Variants in OSBPL8 observed in about 807,000 individuals in gnomAD.
OSBPL8 encodes oxysterol-binding protein-related protein 8.
Under a neutral mutation model 125.5 loss-of-function variants are expected in OSBPL8, and 59 were observed. That is an observed-to-expected ratio of 0.47 (90% confidence interval 0.38 to 0.58). OSBPL8 has a LOEUF of 0.58. Ranked by LOEUF, OSBPL8 falls within the 20% of genes least tolerant of loss-of-function variation. The probability of loss-of-function intolerance (pLI) is 0.00; values close to 1 mark genes in which losing one functional copy is unlikely to be tolerated. For synonymous variants in OSBPL8, 330 were observed against 338.9 expected, an observed-to-expected ratio of 0.97 and a Z score of 0.29; for missense variants, 758 against 1,047.8, an observed-to-expected ratio of 0.72 and a Z score of 3.82.
At chr12:76,473,715 T>A (rs1444437022) in intron 2 of OSBPL8, among the ~76,000 whole-genome samples, 1 of 152,210 alleles carries the variant, frequency 6.6e-6, no homozygotes, top group Non-Finnish European at 1.5e-5. Context: ...AACAATTTCA[T>A]ACTGTGTTAA....
At position 76,487,558 on chromosome 12, in the gene OSBPL8, A is replaced by G; in HGVS notation, c.-7T>C. 6.2e-7 allele frequency: 1 copy of G among 1,602,266 alleles called. No homozygotes were observed. Among genetic ancestry groups the G allele is most frequent in the South Asian group, 1.1e-5 (1 of 89,004 alleles). Reference sequence around the variant, plus strand: ...CTGCCAAACCTCCCTCCATAATGAAAGAAGATAGGTTTATGCTTCTCTTTC... The same window carrying G: ...CTGCCAAACCTCCCTCCATAATGAAGGAAGATAGGTTTATGCTTCTCTTTC... On this transcript the variant is annotated 5_prime_UTR_variant, in exon 2 of 24. Transcript: ENST00000261183.
At chr12:76,494,522 A>G (rs1221281156) in intron 1 of OSBPL8, among the ~76,000 whole-genome samples, 1 of 152,206 alleles carries the variant, frequency 6.6e-6, no homozygotes, top group Admixed American at 6.5e-5. Flanking sequence ...AAGAATGAAG[A>G]AGAGAGCTAT....
intron 4 of OSBPL8, among the ~76,000 whole-genome samples, chr12:76,439,086 T>C (rs908344971): frequency 4.6e-5 from 7 of 152,086 alleles, no homozygotes; most frequent in African/African-American, 1.7e-4. Context: ...AATTATAAGA[T>C]ATAGAGCACA....
At chr12:76,430,145 C>G (rs1870638041) in intron 4 of OSBPL8, among the ~76,000 whole-genome samples, 1 of 152,158 alleles carries the variant, frequency 6.6e-6, no homozygotes, top group Non-Finnish European at 1.5e-5. Flanking sequence ...ATACACCCAA[C>G]CACATTCTTC....
At chr12:76,468,495 T>C (rs1303203007) in intron 2 of OSBPL8, among the ~76,000 whole-genome samples, 2 of 152,224 alleles carry the variant, frequency 1.3e-5, no homozygotes, top group Admixed American at 1.3e-4. Context: ...CTTTCTCCAC[T>C]CAAATGTTAG....
chr12:76,530,229 T>C (rs1441052047), intron 1 of OSBPL8, among the ~76,000 whole-genome samples: 1 of 149,254 alleles, frequency 6.7e-6, no homozygotes, highest in Admixed American at 6.7e-5. Flanking sequence ...GCTTTTTTTT[T>C]TTTTTTTTTT....
At chr12:76,483,824 G>A (rs994788165) in intron 2 of OSBPL8, among the ~76,000 whole-genome samples, 1 of 151,308 alleles carries the variant, frequency 6.6e-6, no homozygotes, top group Non-Finnish European at 1.5e-5. Context: ...ACAGGTGCCC[G>A]CCACGCCACC....
At chr12:76,485,277 A>G (rs572317981) in intron 2 of OSBPL8, among the ~76,000 whole-genome samples, 1 of 152,160 alleles carries the variant, frequency 6.6e-6, no homozygotes, top group East Asian at 2.0e-4. Flanking sequence ...AATTTGGAAT[A>G]GTAAATGACT....
chr12:76,363,475 G>A (rs1952287864), intron 21 of OSBPL8, among the ~76,000 whole-genome samples: 1 of 152,100 alleles, frequency 6.6e-6, no homozygotes. Flanking sequence ...AACTGAAACT[G>A]GTTTCCTTCC....
At chr12:76,398,919 A>G (rs1269701024) in intron 7 of OSBPL8, among the ~76,000 whole-genome samples, 1 of 152,228 alleles carries the variant, frequency 6.6e-6, no homozygotes, top group Non-Finnish European at 1.5e-5. Context: ...GCAACAGAAC[A>G]TGGAGGACAA....
At chr12:76,453,315 G>T (rs768716062) in intron 3 of OSBPL8, among the ~76,000 whole-genome samples, 1 of 152,040 alleles carries the variant, frequency 6.6e-6, no homozygotes, top group Non-Finnish European at 1.5e-5. Flanking sequence ...TAAAGTATAT[G>T]GTGTCTCTTT....
In OSBPL8 at chr12:76,373,403, G is replaced by A; in HGVS notation, c.1858C>T (p.Gln620Ter). 6.2e-7 allele frequency: 1 copy of A among 1,608,374 alleles called. No individual in the cohort carries two copies. The change falls in exon 18 of 24, where the codon CAA becomes TAA. Residue 620 changes from glutamine to a stop codon, truncating the protein, a stop_gained. Transcript: ENST00000261183. LOFTEE classifies it high-confidence loss of function. ...PFLGSSDCVN[Q>*]ISGKLKLGKE... The stretch of plus-strand genomic sequence containing the variant: ...CCCAGTTTAAGTTTCCCTGATATTT[G>A]ATTAACACAGTCACTACTCCCTAGG...
At chr12:76,460,001 A>T in intron 2 of OSBPL8, 106 bp from the exon 3 acceptor site, 1 of 1,058,898 alleles carries the variant, frequency 9.4e-7, no homozygotes. Context: ...CAAGGAAAAT[A>T]GCATTAGTTT....
chr12:76,456,753 A>T (rs928304154), intron 3 of OSBPL8, among the ~76,000 whole-genome samples: 2 of 152,222 alleles, frequency 1.3e-5, no homozygotes, highest in African/African-American at 4.8e-5. Flanking sequence ...ATTATGTAAT[A>T]CAATATATAC....
At chr12:76,479,885 G>A (rs1276521687) in intron 2 of OSBPL8, among the ~76,000 whole-genome samples, 2 of 152,090 alleles carry the variant, frequency 1.3e-5, no homozygotes, top group Non-Finnish European at 2.9e-5. Flanking sequence ...GAATATGAGA[G>A]GCCGGGCGCG....
At position 76,399,977 on chromosome 12, in the gene OSBPL8, A is replaced by T; in HGVS notation, c.367-3T>A. On this transcript the variant is annotated splice_region_variant and splice_polypyrimidine_tract_variant and intron_variant, in intron 6 of 23. Coordinates refer to ENST00000261183, the MANE Select transcript of OSBPL8 (RefSeq NM_020841.5). Reference sequence around the variant, plus strand: ...TCTCGGTAATTTTTCTTTTGTACCTATTTTATAGAAATAATAGAAAAGATA... The same window carrying T: ...TCTCGGTAATTTTTCTTTTGTACCTTTTTTATAGAAATAATAGAAAAGATA... 4 of 1,583,912 alleles carry T rather than the reference A, an allele frequency of 2.5e-6. No individual in the cohort carries two copies. In the South Asian group the frequency reaches 4.6e-5, roughly 18 times the overall value.
At chr12:76,526,215 G>A (rs566595246) in intron 1 of OSBPL8, among the ~76,000 whole-genome samples, 2 of 152,154 alleles carry the variant, frequency 1.3e-5, no homozygotes, top group South Asian at 4.1e-4. Flanking sequence ...AAACAATCCA[G>A]GAGGAGAAAA....
chr12:76,559,005 A>G (rs1313692517), intron 1 of OSBPL8, among the ~76,000 whole-genome samples: 2 of 152,102 alleles, frequency 1.3e-5, no homozygotes, highest in African/African-American at 4.8e-5. Flanking sequence ...CACAGGAAAG[A>G]AGGAGCCTCG....
chr12:76,402,180 C>T (rs909578065), intron 6 of OSBPL8, among the ~76,000 whole-genome samples: 1 of 152,150 alleles, frequency 6.6e-6, no homozygotes, highest in Non-Finnish European at 1.5e-5. Context: ...AGTTGGAAAG[C>T]ATGTGTTTCT....
Sources: allele counts gnomAD v4.1 joint callset (sites outside exome capture counted in the v4.1 genomes callset), GRCh38; gene constraint gnomAD v4.1.1; transcripts MANE v1.5; gene names NCBI Gene and HGNC (gene_info 2026-07-23, HGNC 2026-07-21).